TRPM3: variants seen among roughly 807,000 people sequenced by gnomAD.
The protein encoded by TRPM3 is long transient receptor potential channel 3.
A neutral mutation model predicts 181.2 loss-of-function variants in TRPM3; 77 were observed. The ratio of observed to expected loss-of-function variants is 0.42; its 90% CI spans 0.35 to 0.51. The LOEUF is 0.51. TRPM3 is among the 20% of genes least tolerant of loss of function. TRPM3 has a pLI of 0.01. For synonymous variants in TRPM3, 745 were observed against 796.4 expected, an observed-to-expected ratio of 0.94 and a Z score of 1.09; for missense variants, 1,759 against 2,196.7, an observed-to-expected ratio of 0.80 and a Z score of 3.98.
chr9:71,286,239 A>G (rs1043960689), intron 1 of TRPM3, among the ~76,000 whole-genome samples: 1 of 152,192 alleles, frequency 6.6e-6, no homozygotes, highest in Non-Finnish European at 1.5e-5. Flanking sequence ...TTGATAAATC[A>G]TGATTAACAA....
chr9:71,004,653 T>C (rs1251200926), intron 1 of TRPM3, among the ~76,000 whole-genome samples: 1 of 152,204 alleles, frequency 6.6e-6, no homozygotes, highest in African/African-American at 2.4e-5. Flanking sequence ...TAAAGATCTA[T>C]GAAATATATG....
chr9:70,829,835 G>A (rs2093782040), intron 5 of TRPM3, among the ~76,000 whole-genome samples: 1 of 152,106 alleles, frequency 6.6e-6, no homozygotes, highest in Non-Finnish European at 1.5e-5. Flanking sequence ...ATCACTGGAA[G>A]AGTAGGTTGC....
intron 9 of TRPM3, among the ~76,000 whole-genome samples, chr9:70,676,663 T>G (rs770507842): frequency 6.6e-6 from 1 of 152,146 alleles, no homozygotes; most frequent in Non-Finnish European, 1.5e-5. Flanking sequence ...TCTCAAAGAA[T>G]CTCACTCTTG....
chr9:70,568,786 A>C (rs1285684994), intron 22 of TRPM3, among the ~76,000 whole-genome samples: 1 of 152,226 alleles, frequency 6.6e-6, no homozygotes, highest in Non-Finnish European at 1.5e-5. Context: ...GAGGATTTGC[A>C]TGCCCAGATA....
intron 1 of TRPM3, among the ~76,000 whole-genome samples, chr9:71,230,898 G>T (rs2081007507): frequency 2.0e-5 from 3 of 152,178 alleles, no homozygotes; most frequent in African/African-American, 7.2e-5. Context: ...CTTCTGGGCT[G>T]TCTATCTTTC....
At chr9:71,330,853 C>G (rs796661850) in intron 1 of TRPM3, among the ~76,000 whole-genome samples, 14 of 151,874 alleles carry the variant, frequency 9.2e-5, no homozygotes, top group African/African-American at 3.4e-4. Context: ...GAACCACAGT[C>G]TTTCCTGGTG....
intron 1 of TRPM3, among the ~76,000 whole-genome samples, chr9:71,040,639 T>C (rs1197434099): frequency 6.6e-6 from 1 of 152,142 alleles, no homozygotes; most frequent in Non-Finnish European, 1.5e-5. Context: ...ACAAGAGGAA[T>C]AGGATATTTA....
At chr9:70,807,806 G>A (rs1357190210) in intron 6 of TRPM3, among the ~76,000 whole-genome samples, 2 of 152,124 alleles carry the variant, frequency 1.3e-5, no homozygotes, top group African/African-American at 4.8e-5. Context: ...TGGAGGATGA[G>A]GTGAATGTGG....
intron 1 of TRPM3, among the ~76,000 whole-genome samples, chr9:71,116,965 T>C (rs1165888517): frequency 1.3e-5 from 2 of 152,118 alleles, no homozygotes; most frequent in Admixed American, 6.5e-5. Flanking sequence ...ATAACTGAAA[T>C]ACCCTTTCTA....
chr9:70,546,520 T>A (rs1361346714), intron 25 of TRPM3, among the ~76,000 whole-genome samples: 1 of 152,110 alleles, frequency 6.6e-6, no homozygotes, highest in East Asian at 1.9e-4. Flanking sequence ...GCCTTGTGGA[T>A]CCTTAGTGCG....
intron 1 of TRPM3, among the ~76,000 whole-genome samples, chr9:70,951,391 G>C (rs756435629): frequency 5.9e-5 from 9 of 152,100 alleles, no homozygotes. Flanking sequence ...GCCTGGGCTG[G>C]AGTGAAGTGG....
upstream of TRPM3, among the ~76,000 whole-genome samples, chr9:71,122,639 C>A (rs981126022): frequency 2.6e-5 from 4 of 152,198 alleles, no homozygotes; most frequent in Non-Finnish European, 5.9e-5. Flanking sequence ...GTGGTGCAAG[C>A]AGATGTGATA....
intron 12 of TRPM3, among the ~76,000 whole-genome samples, chr9:70,629,217 G>GGTGGC (rs2065268712): frequency 1.7e-5 from 1 of 59,240 alleles, no homozygotes; most frequent in African/African-American, 7.5e-5. Context: ...ACCAGTGCCG[G>GGTGGC]GGGGGGGGGG....
chr9:70,934,432 A>T (rs1461808109), intron 1 of TRPM3, among the ~76,000 whole-genome samples: 4 of 152,166 alleles, frequency 2.6e-5, no homozygotes, highest in Non-Finnish European at 2.9e-5. Flanking sequence ...AAAGGAAAAA[A>T]GATGGTAGCT....
chr9:71,236,507 A>C (rs147640192), intron 1 of TRPM3, among the ~76,000 whole-genome samples: 1 of 152,184 alleles, frequency 6.6e-6, no homozygotes, highest in East Asian at 1.9e-4. Context: ...TATTTCACTT[A>C]ATAGGAATCA....
chr9:71,327,961 T>C, intron 1 of TRPM3, among the ~76,000 whole-genome samples: 1 of 152,010 alleles, frequency 6.6e-6, no homozygotes, highest in East Asian at 1.9e-4. Flanking sequence ...CTCCACACCA[T>C]TACTGGACTG....
intron 5 of TRPM3, chr9:70,842,789 G>C (rs1459159436): frequency 6.0e-6 from 3 of 502,590 alleles, no homozygotes; most frequent in Non-Finnish European, 1.0e-5. Flanking sequence ...TCTTACTTTG[G>C]ACCTTTCTTG....
intron 1 of TRPM3, among the ~76,000 whole-genome samples, chr9:71,055,410 CAG>C (rs2133242106): frequency 6.6e-6 from 1 of 151,956 alleles, no homozygotes; most frequent in Non-Finnish European, 1.5e-5. Context: ...AGATTTCACA[CAG>C]AGTTTGGAAA....
At chr9:70,674,264 G>T (rs1254626742) in intron 9 of TRPM3, among the ~76,000 whole-genome samples, 2 of 152,178 alleles carry the variant, frequency 1.3e-5, no homozygotes, top group African/African-American at 2.4e-5. Context: ...TCTGGGATAA[G>T]TTAGTTGTTT....
Sources: allele counts gnomAD v4.1 joint callset (sites outside exome capture counted in the v4.1 genomes callset), GRCh38; gene constraint gnomAD v4.1.1; transcripts MANE v1.5; gene names NCBI Gene and HGNC (gene_info 2026-07-23, HGNC 2026-07-21).